The following CUEDC1 variants were observed in gnomAD, a reference collection of about 807,000 sequenced individuals.
CUEDC1 encodes the protein CUE domain containing 1, also known as CUE domain-containing protein 1.
Under a neutral mutation model 43.7 loss-of-function variants are expected in CUEDC1, and 30 were observed. The observed-to-expected ratio is 0.69, with a 90% CI of 0.51 to 0.93. The LOEUF is 0.93. Among genes scored for constraint, CUEDC1 ranks in the 40% least tolerant of loss-of-function variants. The probability of loss-of-function intolerance (pLI) is 0.00; values close to 1 mark genes in which losing one functional copy is unlikely to be tolerated. For synonymous variants in CUEDC1, 223 were observed against 223.6 expected (o/e 1.00, Z 0.02); for missense variants, 486 against 549.0 (o/e 0.89, Z 1.15).
intron 10 of CUEDC1, among the ~76,000 whole-genome samples, chr17:57,864,629 G>A (rs1258675974): frequency 6.6e-6 from 1 of 152,186 alleles, no homozygotes; most frequent in Non-Finnish European, 1.5e-5. Flanking sequence ...GGGAGGGGCT[G>A]TCAGCCTGCA....
intron 1 of CUEDC1, among the ~76,000 whole-genome samples, chr17:57,951,280 ACT>A (rs2075004494): frequency 6.6e-6 from 1 of 152,100 alleles, no homozygotes. Context: ...ATCTCTTTTA[ACT>A]CTTTCTAAAT....
chr17:57,944,373 G>C (rs1447214344), intron 1 of CUEDC1, among the ~76,000 whole-genome samples: 1 of 151,876 alleles, frequency 6.6e-6, no homozygotes, highest in Non-Finnish European at 1.5e-5. Context: ...ACCACGCCCG[G>C]CTAATTTTGT....
chr17:57,916,129 C>A (rs2074637587), intron 1 of CUEDC1, among the ~76,000 whole-genome samples: 1 of 152,264 alleles, frequency 6.6e-6, no homozygotes, highest in African/African-American at 2.4e-5. Flanking sequence ...CAAGGTCCCA[C>A]CAAAGAATCG....
Position 57,885,768 on chromosome 17 carries a change from G to C in CUEDC1, c.-204C>G, listed in dbSNP as rs2074282576. The C allele has an allele frequency of 1.3e-6, 1 of 741,458 alleles. No individual in the cohort carries two copies. The highest frequency in any genetic ancestry group is 4.5e-5 in the Admixed American group (1 of 22,262). The allele number at this position is 741,458 out of a possible 1,614,324, so 45.9% of individuals were successfully genotyped here. A position where few individuals can be genotyped will look rare whatever the true frequency, so the allele number is the denominator to read the frequency against. On this transcript the variant is annotated 5_prime_UTR_variant, in exon 2 of 11. Coordinates refer to ENST00000577830, the MANE Select transcript of CUEDC1 (RefSeq NM_001271875.2). The stretch of plus-strand genomic sequence containing the variant: ...GGCGCGGGGCCCCAGGCAGCCCTTG[G>C]AGAGCGGTCCTCGCGGGGCGGTGGC...
chr17:57,885,484 C>T lies in CUEDC1; in HGVS notation c.81G>A (p.Thr27=). 6.4e-7 allele frequency: 1 copy of T among 1,561,420 alleles called. No individual in the cohort carries two copies. Among genetic ancestry groups the T allele is most frequent in the Admixed American group, 1.8e-5 (1 of 54,312 alleles). ...TGTTGTTGAGCTCCTGGGGGGCGGC[C>T]GTGCCTCCCCCGCCCCCGCGTGCCC... The part of the protein sequence containing the change: ...TAGARGGGGG[T]AAPQELNNSR... Residue 27 remains threonine (T), a synonymous_variant, in exon 2 of 11, where the codon ACG becomes ACA. Coordinates refer to ENST00000577830, the MANE Select transcript of CUEDC1 (RefSeq NM_001271875.2).
At chr17:57,949,651 C>T (rs1234903397) in intron 1 of CUEDC1, among the ~76,000 whole-genome samples, 1 of 146,350 alleles carries the variant, frequency 6.8e-6, no homozygotes, top group Non-Finnish European at 1.5e-5. Flanking sequence ...CAGCTCACTG[C>T]AACCTCGGCC....
At chr17:57,882,502 C>T (rs967845783) in intron 2 of CUEDC1, among the ~76,000 whole-genome samples, 4 of 152,160 alleles carry the variant, frequency 2.6e-5, no homozygotes, top group Non-Finnish European at 4.4e-5. Flanking sequence ...ACTGTCAGGG[C>T]AAATCAGACT....
chr17:57,866,589 C>G, intron 9 of CUEDC1, 45 bp from the exon 10 acceptor site: 1 of 1,599,280 alleles, frequency 6.3e-7, no homozygotes, highest in Admixed American at 1.7e-5. Context: ...CCTGCAGGGC[C>G]TCGCTCAGGC....
At chr17:57,901,323 C>T (rs549791353) in intron 1 of CUEDC1, among the ~76,000 whole-genome samples, 5 of 152,246 alleles carry the variant, frequency 3.3e-5, no homozygotes, top group Admixed American at 1.3e-4. Flanking sequence ...CTTTCACAGA[C>T]TGCTTGGTCC....
chr17:57,864,240 A>T (rs2073923755), intron 10 of CUEDC1, among the ~76,000 whole-genome samples: 2 of 152,112 alleles, frequency 1.3e-5, no homozygotes, highest in Non-Finnish European at 2.9e-5. Flanking sequence ...TCCAAGGCTG[A>T]AAAGAAAATC....
chr17:57,934,146 C>T (rs1330602854), intron 1 of CUEDC1, among the ~76,000 whole-genome samples: 2 of 152,182 alleles, frequency 1.3e-5, no homozygotes, highest in Non-Finnish European at 2.9e-5. Flanking sequence ...CTAATCCCAA[C>T]ACTTTGGGAG....
chr17:57,873,189 A>G (rs1304839800), intron 4 of CUEDC1, among the ~76,000 whole-genome samples: 2 of 152,224 alleles, frequency 1.3e-5, no homozygotes, highest in African/African-American at 4.8e-5. Context: ...CTCTCCCTGC[A>G]CCAGCAGCCT....
At chr17:57,934,414 G>A (rs1041422982) in intron 1 of CUEDC1, among the ~76,000 whole-genome samples, 5 of 151,522 alleles carry the variant, frequency 3.3e-5, no homozygotes, top group South Asian at 2.1e-4. Flanking sequence ...AAAAATAGCC[G>A]GACATGGTGG....
intron 1 of CUEDC1, among the ~76,000 whole-genome samples, chr17:57,907,973 G>A (rs2074545841): frequency 6.6e-6 from 1 of 152,130 alleles, no homozygotes; most frequent in African/African-American, 2.4e-5. Context: ...CCAGAATAGG[G>A]AATAAGATAA....
intron 3 of CUEDC1, among the ~76,000 whole-genome samples, chr17:57,874,777 C>T (rs1222612256): frequency 6.6e-6 from 1 of 152,198 alleles, no homozygotes; most frequent in Non-Finnish European, 1.5e-5. Context: ...CGCCCGCCCC[C>T]TCACTGGAGG....
rs375563696 is a variant in CUEDC1, at chr17:57,950,504, G to A, written c.-316+4721C>T. 1.9e-3 allele frequency among the ~76,000 whole-genome samples: 270 copies of A among 142,096 alleles called. 2 individuals carry two copies. The highest frequency in any genetic ancestry group is 6.5e-3 in the African/African-American group (247 of 38,058). 93.2% of individuals were successfully genotyped at this position (142,096 alleles called of 152,430 possible). ...TTTTTTTTTTTTGAGACAGAGTCTC[G>A]CTCTGTCGCCCAGGCTGGAGTGTAA... On this transcript the variant is annotated intron_variant, in intron 1 of 10. Transcript: ENST00000577830.
At chr17:57,904,403 G>T (rs1318842416) in intron 1 of CUEDC1, among the ~76,000 whole-genome samples, 1 of 151,934 alleles carries the variant, frequency 6.6e-6, no homozygotes, top group Non-Finnish European at 1.5e-5. Flanking sequence ...GGAGAAGAGG[G>T]ATGAAGGTTG....
intron 1 of CUEDC1, among the ~76,000 whole-genome samples, chr17:57,933,876 G>T (rs1261539317): frequency 3.3e-5 from 5 of 152,082 alleles, no homozygotes; most frequent in African/African-American, 4.8e-5. Context: ...GACTCCCCAG[G>T]AGCATCTGGG....
Position 57,868,214 on chromosome 17 carries a change from G to T in CUEDC1, c.970C>A (p.Arg324=), listed in dbSNP as rs763576008. 2 of 1,614,196 alleles carry T rather than the reference G, an allele frequency of 1.2e-6. No homozygotes were observed. The highest frequency in any genetic ancestry group is 2.2e-5 in the South Asian group (2 of 91,084). ...ATTTTGGTCTTCTCTGAGAAGGCTC[G>T]GGCAAGTTCAAACAGTTTCCTCCGG... ...STRRKLFELA[R]AFSEKTKMRK... The change falls in exon 8 of 11, where the codon CGA becomes AGA. Residue 324 remains arginine (R), a synonymous_variant. Coordinates refer to ENST00000577830, the MANE Select transcript of CUEDC1 (RefSeq NM_001271875.2).
Sources: gnomAD v4.1 joint callset for allele counts (sites outside exome capture counted in the v4.1 genomes callset) on GRCh38, gnomAD v4.1.1 for gene constraint, MANE v1.5 for transcripts, NCBI Gene and HGNC (gene_info 2026-07-23, HGNC 2026-07-21) for gene names.